FAM81A: variants seen among roughly 807,000 people sequenced by gnomAD.
The protein encoded by FAM81A is protein FAM81A.
Under a neutral mutation model 46.7 loss-of-function variants are expected in FAM81A, and 19 were observed. That is an observed-to-expected ratio of 0.41 (90% CI 0.28 to 0.60). FAM81A has a LOEUF of 0.60. FAM81A is among the 20% of genes least tolerant of loss of function. FAM81A has a pLI of 0.34. For missense variants in FAM81A, 377 were observed against 453.5 expected, an observed-to-expected ratio of 0.83 and a Z score of 1.53; for synonymous variants, 183 against 152.9, an observed-to-expected ratio of 1.20 and a Z score of -1.45.
chr15:59,472,907 G>T (rs2081715031), intron 3 of FAM81A, among the ~76,000 whole-genome samples: 1 of 152,248 alleles, frequency 6.6e-6, no homozygotes, highest in South Asian at 2.1e-4. Context: ...TATTAAGAAT[G>T]ATCTTTTCAG....
chr15:59,494,232 C>T (rs1474430412), intron 4 of FAM81A, among the ~76,000 whole-genome samples: 1 of 152,220 alleles, frequency 6.6e-6, no homozygotes, highest in African/African-American at 2.4e-5. Flanking sequence ...GAAATCCCAG[C>T]TCTGTGATAC....
intron 2 of FAM81A, among the ~76,000 whole-genome samples, chr15:59,402,999 T>C (rs2081078671): frequency 6.6e-6 from 1 of 152,214 alleles, no homozygotes; most frequent in Non-Finnish European, 1.5e-5. Context: ...TTGCATTTTC[T>C]AGTGGGTTAT....
chr15:59,467,918 C>T (rs1156258539), intron 3 of FAM81A, among the ~76,000 whole-genome samples: 6 of 152,030 alleles, frequency 3.9e-5, no homozygotes, highest in African/African-American at 9.7e-5. Flanking sequence ...TTTAGCACGA[C>T]GGGCTGTTGA....
rs555591942 is a variant in FAM81A, at chr15:59,520,127, A to G, written c.983-1127A>G. Among the ~76,000 whole-genome samples, 39 of 151,356 alleles carry G rather than the reference A, an allele frequency of 2.6e-4. No homozygotes were observed. In the South Asian group the frequency reaches 8.0e-3, roughly 31 times the overall value. The stretch of plus-strand genomic sequence containing the variant: ...TTTTTTTTTAAATCACTCATCAGCT[A>G]TCATTAGTGTTAGTGTATTTGTATT... On this transcript the variant is annotated intron_variant, in intron 8 of 8. Transcript: ENST00000288228.
intron 3 of FAM81A, among the ~76,000 whole-genome samples, chr15:59,472,898 A>T (rs753553080): frequency 1.4e-4 from 21 of 152,168 alleles, no homozygotes; most frequent in African/African-American, 5.1e-4. Flanking sequence ...TGGTATCTAT[A>T]TTAAGAATGA....
chr15:59,425,564 C>T (rs1460043366), intron 2 of FAM81A, among the ~76,000 whole-genome samples: 1 of 152,000 alleles, frequency 6.6e-6, no homozygotes, highest in African/African-American at 2.4e-5. Context: ...TAAATGAATA[C>T]TCTATCTGGA....
chr15:59,512,648 T>C lies in FAM81A; in HGVS notation c.651-1641T>C, dbSNP rs186800728. Among the ~76,000 whole-genome samples the C allele has an allele frequency of 9.2e-5, 14 of 152,270 alleles. No individual in the cohort carries two copies. In the East Asian group the frequency reaches 2.3e-3, roughly 25 times the overall value. ...TAAGGTCCTGGCAGTGTTCCATGTC[T>C]TACCTGGCAGGGGTTCACGGTTGTG... On this transcript the variant is annotated intron_variant, in intron 6 of 8. Transcript: ENST00000288228.
chr15:59,403,697 G>GGC (rs1451933646), intron 2 of FAM81A, among the ~76,000 whole-genome samples: 1 of 152,100 alleles, frequency 6.6e-6, no homozygotes, highest in Non-Finnish European at 1.5e-5. Flanking sequence ...GATCTGGTTA[G>GGC]AGTTGAAGAG....
intron 4 of FAM81A, among the ~76,000 whole-genome samples, chr15:59,497,081 T>C (rs1160016268): frequency 6.6e-6 from 1 of 151,694 alleles, no homozygotes; most frequent in Admixed American, 6.6e-5. Context: ...ATTGTGCCAC[T>C]GCACTCCAGC....
intron 2 of FAM81A, among the ~76,000 whole-genome samples, chr15:59,430,341 T>G (rs1190071226): frequency 7.0e-6 from 1 of 143,218 alleles, no homozygotes; most frequent in Non-Finnish European, 1.5e-5. Flanking sequence ...CTCAGCTCAG[T>G]GCAACCTCCG....
At chr15:59,486,965 G>A (rs1367721476) in intron 3 of FAM81A, among the ~76,000 whole-genome samples, 3 of 151,872 alleles carry the variant, frequency 2.0e-5, no homozygotes, top group African/African-American at 7.2e-5. Context: ...ACTGGTAATA[G>A]TAAGTACACA....
chr15:59,430,024 G>A (rs888809016), intron 2 of FAM81A, among the ~76,000 whole-genome samples: 9 of 152,064 alleles, frequency 5.9e-5, no homozygotes, highest in Non-Finnish European at 1.2e-4. Context: ...CCATTCATGA[G>A]AATAAACCAA....
intron 6 of FAM81A, 47 bp from the exon 7 acceptor site, chr15:59,514,241 AT>A (rs780466890): frequency 4.0e-5 from 60 of 1,487,322 alleles, no homozygotes; most frequent in Non-Finnish European, 4.7e-5. Flanking sequence ...AATAAAAAAA[AT>A]AAAAAATAAA....
intron 1 of FAM81A, among the ~76,000 whole-genome samples, chr15:59,453,508 G>A (rs1312219871): frequency 1.3e-5 from 2 of 152,106 alleles, no homozygotes; most frequent in Admixed American, 6.5e-5. Context: ...AGGTGGGCCC[G>A]CTGAGATCAT....
At chr15:59,495,799 G>A (rs187017227) in intron 4 of FAM81A, among the ~76,000 whole-genome samples, 3 of 152,102 alleles carry the variant, frequency 2.0e-5, no homozygotes, top group Non-Finnish European at 4.4e-5. Flanking sequence ...GTGCTTGCTC[G>A]TCATTGGCAT....
chr15:59,411,253 GGC>G (rs2081119284), intron 2 of FAM81A, among the ~76,000 whole-genome samples: 3 of 152,170 alleles, frequency 2.0e-5, no homozygotes, highest in Non-Finnish European at 4.4e-5. Context: ...CAGTCGCTGG[GGC>G]AGAGGATGCC....
At chr15:59,499,451 A>G (rs2082068006) in intron 4 of FAM81A, among the ~76,000 whole-genome samples, 1 of 152,190 alleles carries the variant, frequency 6.6e-6, no homozygotes, top group Non-Finnish European at 1.5e-5. Context: ...GAGAGAAAAT[A>G]TTCATTTATA....
chr15:59,424,084 T>C lies in FAM81A; in HGVS notation c.-78+21726T>C, dbSNP rs2081185831. Among the ~76,000 whole-genome samples, 3 of 152,182 alleles carry C rather than the reference T, an allele frequency of 2.0e-5. No individual in the cohort carries two copies. The South Asian group carries it at 6.2e-4, about 31-fold the overall frequency. On this transcript the variant is annotated intron_variant, in intron 2 of 4. Coordinates refer to the FAM81A transcript ENST00000558348. ...TCCAGTAGAGATTCTGTCCCCACCATTGCACCCAAACTGCCCTCATTAAGG... is the reference window on the plus strand; with the variant it reads ...TCCAGTAGAGATTCTGTCCCCACCACTGCACCCAAACTGCCCTCATTAAGG...
chr15:59,512,471 C>CAAAA (rs766904849), intron 6 of FAM81A, among the ~76,000 whole-genome samples: 2 of 13,662 alleles, frequency 1.5e-4, no homozygotes, highest in African/African-American at 3.5e-4. Flanking sequence ...AACTCCATCT[C>CAAAA]AAAAAAAAAA....
Sources: gnomAD v4.1 joint callset for allele counts (sites outside exome capture counted in the v4.1 genomes callset) on GRCh38, gnomAD v4.1.1 for gene constraint, MANE v1.5 for transcripts, NCBI Gene and HGNC (gene_info 2026-07-23, HGNC 2026-07-21) for gene names.